TIPARP: variants seen among roughly 807,000 people sequenced by gnomAD.
The protein encoded by TIPARP is TCDD inducible poly(ADP-ribose) polymerase.
A neutral mutation model predicts 56.5 loss-of-function variants in TIPARP; 12 were observed. The observed-to-expected ratio is 0.21, with a 90% CI of 0.14 to 0.34. The LOEUF (loss-of-function observed/expected upper bound fraction) is 0.34, where lower values mean the gene tolerates loss of function less well. TIPARP is among the 10% of genes least tolerant of loss of function. TIPARP has a pLI of 1.00. For missense variants in TIPARP, 604 were observed against 781.6 expected (o/e 0.77, Z 2.71); for synonymous variants, 296 against 265.7 (o/e 1.11, Z -1.11).
rs542402754 is a variant in TIPARP at position 156,691,354 on chromosome 3, G to A, written c.918-2666G>A. On this transcript the variant is annotated intron_variant, in intron 2 of 5. Transcript: ENST00000295924. Reference sequence around the variant, plus strand: ...CACCTCCTCTCCCATATTGCTGCATGTTTATTCTTTGTCTCTTATTTCCTG... The same window carrying A: ...CACCTCCTCTCCCATATTGCTGCATATTTATTCTTTGTCTCTTATTTCCTG... 3.3e-5 allele frequency among the ~76,000 whole-genome samples: 5 copies of A among 152,250 alleles called. No homozygotes were observed. The South Asian group carries it at 1.0e-3, about 32-fold the overall frequency.
intron 3 of TIPARP, 98 bp from the exon 4 acceptor site, chr3:156,695,767 T>C (rs568863182): frequency 7.0e-7 from 1 of 1,422,926 alleles, no homozygotes; most frequent in African/African-American, 1.5e-5. Flanking sequence ...TTGAAATTCC[T>C]GTGAGGTTAA....
At chr3:156,688,310 A>C (rs1722477921) in intron 2 of TIPARP, among the ~76,000 whole-genome samples, 2 of 137,430 alleles carry the variant, frequency 1.5e-5, no homozygotes, top group African/African-American at 5.5e-5. Context: ...AGGGAGTTTG[A>C]GGTGGCAGTG....
At chr3:156,687,451 C>CA (rs1374688762) in intron 2 of TIPARP, among the ~76,000 whole-genome samples, 3 of 152,108 alleles carry the variant, frequency 2.0e-5, no homozygotes, top group Admixed American at 6.6e-5. Flanking sequence ...AAACAAACAA[C>CA]AAAAAAGCCA....
At chr3:156,687,380 T>A (rs777191254) in intron 2 of TIPARP, among the ~76,000 whole-genome samples, 3 of 152,222 alleles carry the variant, frequency 2.0e-5, no homozygotes, top group African/African-American at 7.2e-5. Flanking sequence ...TTTAGACTTA[T>A]CCACATTTTA....
chr3:156,698,198 C>T (rs1194149103), intron 4 of TIPARP, among the ~76,000 whole-genome samples: 2 of 152,152 alleles, frequency 1.3e-5, no homozygotes, highest in African/African-American at 4.8e-5. Flanking sequence ...GAGGTTGGTT[C>T]ATGAGGTTTA....
intron 2 of TIPARP, among the ~76,000 whole-genome samples, chr3:156,686,775 T>C (rs1722439832): frequency 6.6e-6 from 1 of 152,168 alleles, no homozygotes; most frequent in Non-Finnish European, 1.5e-5. Flanking sequence ...CTATAACTAG[T>C]AGTTATGTGT....
Position 156,705,356 on chromosome 3 carries a change from G to A in TIPARP, c.*225G>A, listed in dbSNP as rs1577044470. On this transcript the variant is annotated 3_prime_UTR_variant, in exon 6 of 6. Transcript: ENST00000295924. Reference sequence around the variant, plus strand: ...ACTAATTGCTAGTGTACTCAGTGTGGAAAAGACTACAGATTACACACTCTT... The same window carrying A: ...ACTAATTGCTAGTGTACTCAGTGTGAAAAAGACTACAGATTACACACTCTT... 1 of 419,114 alleles carries A rather than the reference G, an allele frequency of 2.4e-6. No homozygotes were observed. The highest frequency in any genetic ancestry group is 4.3e-5 in the East Asian group (1 of 23,492). The allele number at this position is 419,114 out of a possible 1,614,324, so 26.0% of individuals were successfully genotyped here.
intron 2 of TIPARP, among the ~76,000 whole-genome samples, chr3:156,681,836 T>C (rs146058638): frequency 1.9e-3 from 292 of 152,220 alleles, no homozygotes; most frequent in African/African-American, 6.6e-3. Flanking sequence ...TTCCCAGATA[T>C]AGATGCTGAG....
At chr3:156,701,445 T>C (rs1321528863) in intron 4 of TIPARP, among the ~76,000 whole-genome samples, 3 of 152,200 alleles carry the variant, frequency 2.0e-5, no homozygotes, top group Non-Finnish European at 4.4e-5. Context: ...CCTGTGTTGG[T>C]AACTTCAAGC....
chr3:156,695,413 C>G (rs1722687931), intron 3 of TIPARP, among the ~76,000 whole-genome samples: 1 of 151,730 alleles, frequency 6.6e-6, no homozygotes, highest in Non-Finnish European at 1.5e-5. Flanking sequence ...GAGACAGGAT[C>G]TTGCGATGTT....
At chr3:156,675,326 C>T (rs1722092568) in intron 1 of TIPARP, 3 of 152,562 alleles carry the variant, frequency 2.0e-5, no homozygotes, top group African/African-American at 7.2e-5. Context: ...GCGCTCGCCG[C>T]CTTTCCCCCG....
Position 156,677,934 on chromosome 3 carries a change from T to C in TIPARP, c.237T>C (p.Ser79=). ...LDGVFRSRNQ[S]TDENSLHEPM... ...GGGTTTTTAGATCTAGGAACCAGAG[T>C]ACAGATGAGAACAGCTTACATGAAC... Residue 79 remains serine, a synonymous_variant, in exon 2 of 6, where the codon AGT becomes AGC. Coordinates refer to ENST00000295924, the MANE Select transcript of TIPARP (RefSeq NM_015508.5). 1 of 1,614,046 alleles carries C rather than the reference T, an allele frequency of 6.2e-7. No homozygotes were observed. Among genetic ancestry groups the C allele is most frequent in the South Asian group, 1.1e-5 (1 of 91,078 alleles).
At chr3:156,704,047 A>G (rs1722918289) in intron 5 of TIPARP, among the ~76,000 whole-genome samples, 1 of 151,330 alleles carries the variant, frequency 6.6e-6, no homozygotes, top group Non-Finnish European at 1.5e-5. Flanking sequence ...GAATCAAGAG[A>G]GCTTTATTGT....
rs762231689 is a variant in TIPARP, at chr3:156,677,752, C to T, written c.55C>T (p.Pro19Ser). Residue 19 changes from proline to serine, a missense_variant, in exon 2 of 6, where the codon CCT becomes TCT. Physicochemically the swap from Pro to Ser is moderately conservative, Grantham distance 74. Transcript: ENST00000295924. ...EPDCVVQPPS[P>S]PDDFSCQMRL... ...AGACTGTGTAGTGCAGCCTCCCTCT[C>T]CTCCTGATGACTTTTCATGCCAAAT... The T allele has an allele frequency of 1.2e-6, 2 of 1,613,746 alleles. No homozygotes were observed. The highest frequency in any genetic ancestry group is 1.7e-6 in the Non-Finnish European group (2 of 1,179,904).
intron 4 of TIPARP, among the ~76,000 whole-genome samples, chr3:156,702,056 GGTGGTGGTGGTGGTGGTT>G (rs1320563054): frequency 6.7e-4 from 98 of 147,252 alleles, no homozygotes; most frequent in Admixed American, 1.6e-3. Flanking sequence ...TGGTGGTGGT[GGTGGTGGTGGTGGTGGTT>G]GTGGTGGTGG....
chr3:156,686,555 G>A (rs372630788), intron 2 of TIPARP, among the ~76,000 whole-genome samples: 4 of 152,256 alleles, frequency 2.6e-5, no homozygotes, highest in South Asian at 2.1e-4. Flanking sequence ...CATCAAATAC[G>A]TAATAAGTCA....
At chr3:156,697,422 CT>C (rs60091681) in intron 4 of TIPARP, among the ~76,000 whole-genome samples, 15 of 140,270 alleles carry the variant, frequency 1.1e-4, no homozygotes, top group Middle Eastern at 3.8e-3. Flanking sequence ...AATATGCCCT[CT>C]TTTTTTTTTT....
At position 156,694,070 on chromosome 3, in the gene TIPARP, C is replaced by A. The variant is rs773024103; in HGVS notation, c.968C>A (p.Thr323Asn). The A allele has an allele frequency of 6.2e-7, 1 of 1,613,044 alleles. No individual in the cohort carries two copies. Among genetic ancestry groups the A allele is most frequent in the East Asian group, 2.2e-5 (1 of 44,840 alleles). The change falls in exon 3 of 6, where the codon ACT becomes AAT. Residue 323 changes from threonine (T) to asparagine (N), a missense_variant. Thr to Asn is a moderately conservative substitution (Grantham distance 65). Coordinates refer to ENST00000295924, the MANE Select transcript of TIPARP (RefSeq NM_015508.5). ...AATGCCATGAACGTGTATGAAACAA[C>A]TGAATTTGACCAACTACGAAGGCTG... is the stretch of plus-strand genomic sequence containing the variant. ...DLNAMNVYET[T>N]EFDQLRRLST...
chr3:156,682,454 G>T (rs909494465), intron 2 of TIPARP, among the ~76,000 whole-genome samples: 4 of 152,128 alleles, frequency 2.6e-5, no homozygotes, highest in Admixed American at 2.0e-4. Context: ...ATTGCCCTTA[G>T]AAGTCTATTT....
Sources: allele counts gnomAD v4.1 joint callset (sites outside exome capture counted in the v4.1 genomes callset), GRCh38; gene constraint gnomAD v4.1.1; transcripts MANE v1.5; gene names NCBI Gene and HGNC (gene_info 2026-07-23, HGNC 2026-07-21).